PTPRM: variants seen among roughly 807,000 people sequenced by gnomAD.
PTPRM encodes protein tyrosine phosphatase receptor type M.
PTPRM carries 47 observed loss-of-function variants against 186.7 expected under a neutral mutation model. That is an observed-to-expected ratio of 0.25 (90% confidence interval 0.20 to 0.32). PTPRM has a LOEUF of 0.32. PTPRM is among the 10% of genes least tolerant of loss of function. PTPRM has a pLI of 1.00. For synonymous variants in PTPRM, 668 were observed against 674.9 expected (o/e 0.99, Z 0.16); for missense variants, 1,494 against 1,865.0 (o/e 0.80, Z 3.66).
At chr18:8,179,261 T>C (rs28890935) in intron 14 of PTPRM, among the ~76,000 whole-genome samples, 16,853 of 152,200 alleles carry the variant, frequency 0.11, 1,141 homozygotes, top group Middle Eastern at 0.23. Flanking sequence ...GTTTCCAAAT[T>C]CTGGAGAAAT....
At chr18:7,786,482 TTC>T (rs2043101190) in intron 2 of PTPRM, among the ~76,000 whole-genome samples, 1 of 152,242 alleles carries the variant, frequency 6.6e-6, no homozygotes, top group South Asian at 2.1e-4. Flanking sequence ...TTTATATTTA[TTC>T]TGTTACCCAT....
chr18:8,307,320 C>T (rs889604625), intron 20 of PTPRM, among the ~76,000 whole-genome samples: 5 of 152,224 alleles, frequency 3.3e-5, no homozygotes, highest in Admixed American at 6.5e-5. Flanking sequence ...CTGCTGCTCT[C>T]CATGGCAGAA....
intron 2 of PTPRM, among the ~76,000 whole-genome samples, chr18:7,871,426 A>G (rs1490665007): frequency 6.6e-6 from 1 of 152,174 alleles, no homozygotes; most frequent in Non-Finnish European, 1.5e-5. Flanking sequence ...TGGCATTTGA[A>G]TATGTCTGAC....
intron 32 of PTPRM, among the ~76,000 whole-genome samples, chr18:8,401,663 T>G (rs2095872809): frequency 6.6e-6 from 1 of 152,242 alleles, no homozygotes; most frequent in Non-Finnish European, 1.5e-5. Context: ...GCCGCCAGCC[T>G]GAGTTCCTTA....
intron 1 of PTPRM, among the ~76,000 whole-genome samples, chr18:7,724,828 T>C (rs1057127333): frequency 6.6e-6 from 1 of 152,194 alleles, no homozygotes; most frequent in Non-Finnish European, 1.5e-5. Flanking sequence ...TAATGTTAGT[T>C]TTAAACTAAT....
In PTPRM at chr18:8,130,315, C is replaced by A. The variant is rs190290674; in HGVS notation, c.2168-13332C>A. ...GAACTGTTGAGTGAGAGCCGTTGTC[C>A]AGCTGCTGTCCCATCTCAAATGCTT... is the stretch of plus-strand genomic sequence containing the variant. On this transcript the variant is annotated intron_variant, in intron 13 of 32. Transcript: ENST00000580170. Among the ~76,000 whole-genome samples the A allele has an allele frequency of 2.0e-5, 3 of 152,232 alleles. No homozygotes were observed. The East Asian group carries it at 5.8e-4, about 29-fold the overall frequency.
intron 7 of PTPRM, among the ~76,000 whole-genome samples, chr18:8,044,938 A>G (rs957500226): frequency 2.0e-5 from 3 of 152,170 alleles, no homozygotes; most frequent in South Asian, 2.1e-4. Flanking sequence ...ACTTCATAAA[A>G]CAGTCTGACA....
intron 14 of PTPRM, among the ~76,000 whole-genome samples, chr18:8,155,633 C>A (rs2093104815): frequency 6.6e-6 from 1 of 152,024 alleles, no homozygotes; most frequent in African/African-American, 2.4e-5. Context: ...AGAAAAATCA[C>A]AATAAAAATG....
intron 1 of PTPRM, among the ~76,000 whole-genome samples, chr18:7,694,360 T>C (rs562376656): frequency 1.3e-5 from 2 of 152,116 alleles, no homozygotes; most frequent in South Asian, 4.2e-4. Flanking sequence ...TTGAACATAC[T>C]GCCTTTGAAT....
intron 1 of PTPRM, among the ~76,000 whole-genome samples, chr18:7,681,687 C>T (rs991682730): frequency 2.6e-5 from 4 of 152,122 alleles, no homozygotes; most frequent in African/African-American, 9.7e-5. Flanking sequence ...TAGCTATAGT[C>T]ACTGCATAAG....
At chr18:7,826,703 G>A (rs1383211105) in intron 2 of PTPRM, among the ~76,000 whole-genome samples, 2 of 152,166 alleles carry the variant, frequency 1.3e-5, no homozygotes, top group East Asian at 1.9e-4. Flanking sequence ...CAAAATAAAA[G>A]TAACTCCCAT....
intron 7 of PTPRM, among the ~76,000 whole-genome samples, chr18:8,026,810 ATTGTGCCACGGCAC>A (rs1202437620): frequency 6.6e-6 from 1 of 152,056 alleles, no homozygotes; most frequent in Non-Finnish European, 1.5e-5. Flanking sequence ...GTGAGCCAAG[ATTGTGCCACGGCAC>A]TCCAGCCTGG....
At chr18:7,619,540 C>G (rs1158805622) in intron 1 of PTPRM, among the ~76,000 whole-genome samples, 2 of 152,072 alleles carry the variant, frequency 1.3e-5, no homozygotes, top group African/African-American at 2.4e-5. Context: ...TCTTAAATAA[C>G]CATTTAAGTT....
At chr18:7,944,153 C>T (rs1236788846) in intron 5 of PTPRM, among the ~76,000 whole-genome samples, 2 of 152,108 alleles carry the variant, frequency 1.3e-5, no homozygotes, top group Admixed American at 6.6e-5. Context: ...TCCACTGAGG[C>T]TGTGATTCCT....
At chr18:7,982,433 C>G (rs952010156) in intron 7 of PTPRM, among the ~76,000 whole-genome samples, 1 of 151,908 alleles carries the variant, frequency 6.6e-6, no homozygotes, top group African/African-American at 2.4e-5. Flanking sequence ...GGGGCAGTAA[C>G]ACTCATGGAG....
intron 2 of PTPRM, among the ~76,000 whole-genome samples, chr18:7,839,603 C>T (rs1027651868): frequency 3.9e-5 from 6 of 152,206 alleles, no homozygotes; most frequent in African/African-American, 9.6e-5. Context: ...CCACCTCTGC[C>T]CAAGCAGAGA....
rs2048879449 is a variant in PTPRM at position 7,888,138 on chromosome 18, C to T, written c.229C>T (p.Pro77Ser). The T allele has an allele frequency of 6.2e-7, 1 of 1,614,042 alleles. No homozygotes were observed. The highest frequency in any genetic ancestry group is 8.5e-7 in the Non-Finnish European group (1 of 1,180,000). Residue 77 changes from proline (P) to serine (S), a missense_variant, in exon 3 of 33, where the codon CCT (proline) becomes TCT (serine). Transcript: ENST00000580170. ...SFMLVNASGR[P>S]EGQRAHLLLP... ...CATGCTGGTGAATGCCTCTGGGAGA[C>T]CTGAGGGGCAGAGAGCCCACCTGCT...
At chr18:7,959,081 G>GATA (rs1051829586) in intron 7 of PTPRM, among the ~76,000 whole-genome samples, 2 of 152,128 alleles carry the variant, frequency 1.3e-5, no homozygotes, top group Admixed American at 6.5e-5. Flanking sequence ...CAGAGGTGAT[G>GATA]ATAATAATAA....
intron 13 of PTPRM, among the ~76,000 whole-genome samples, chr18:8,139,331 C>G (rs1233290737): frequency 6.6e-6 from 1 of 152,210 alleles, no homozygotes; most frequent in East Asian, 1.9e-4. Flanking sequence ...CAGCGTGTCT[C>G]AAGTTTGATG....
Sources: allele counts gnomAD v4.1 joint callset (sites outside exome capture counted in the v4.1 genomes callset), GRCh38; gene constraint gnomAD v4.1.1; transcripts MANE v1.5; gene names NCBI Gene and HGNC (gene_info 2026-07-23, HGNC 2026-07-21).